Variants in TET1 observed in about 807,000 individuals in gnomAD.
TET1 encodes the protein methylcytosine dioxygenase TET1.
TET1 carries 13 observed loss-of-function variants against 148.7 expected under a neutral mutation model. The ratio of observed to expected loss-of-function variants is 0.09; its 90% CI spans 0.06 to 0.14. TET1 has a LOEUF of 0.14. Among genes scored for constraint, TET1 ranks in the 10% least tolerant of loss-of-function variants. The pLI is 1.00. For synonymous variants in TET1, 907 were observed against 937.2 expected, an observed-to-expected ratio of 0.97 and a Z score of 0.59; for missense variants, 2,182 against 2,553.8, an observed-to-expected ratio of 0.85 and a Z score of 3.14.
chr10:68,565,962 G>A (rs937256879), intron 1 of TET1, among the ~76,000 whole-genome samples: 2 of 152,042 alleles, frequency 1.3e-5, no homozygotes, highest in Non-Finnish European at 1.5e-5. Context: ...CCACATCTTC[G>A]CAATCCATGT....
chr10:68,668,064 C>A (rs1359097911), intron 7 of TET1, among the ~76,000 whole-genome samples: 1 of 152,046 alleles, frequency 6.6e-6, no homozygotes, highest in Non-Finnish European at 1.5e-5. Context: ...GACTAAAAAC[C>A]ATTTGGCTTT....
chr10:68,675,564 A>ATTT (rs11313882), intron 8 of TET1, among the ~76,000 whole-genome samples: 9,928 of 131,382 alleles, frequency 0.076, 561 homozygotes, highest in South Asian at 0.16. Context: ...TATCCACGTC[A>ATTT]TTTTTTTTTT....
chr10:68,598,700 C>CTTT (rs36067164), intron 2 of TET1, among the ~76,000 whole-genome samples: 2 of 129,904 alleles, frequency 1.5e-5, no homozygotes, highest in Admixed American at 8.1e-5. Context: ...CTTTTTCTTT[C>CTTT]TTTTTTTTTT....
chr10:68,676,148 C>A (rs7918264), intron 8 of TET1, among the ~76,000 whole-genome samples: 1,600 of 124,008 alleles, frequency 0.013, 30 homozygotes, highest in African/African-American at 0.047. Context: ...AGCCACAGCA[C>A]CTGGCCTTTT....
chr10:68,617,001 C>T, intron 3 of TET1, among the ~76,000 whole-genome samples: 1 of 118,202 alleles, frequency 8.5e-6, no homozygotes, highest in Admixed American at 1.0e-4. Context: ...GCCACCGCGC[C>T]TGGCCTTTTT....
At chr10:68,564,050 T>A (rs2053581817) in intron 1 of TET1, among the ~76,000 whole-genome samples, 2 of 152,194 alleles carry the variant, frequency 1.3e-5, no homozygotes, top group Admixed American at 6.6e-5. Context: ...TAATTATTTT[T>A]AAAAGTTAGT....
intron 3 of TET1, among the ~76,000 whole-genome samples, chr10:68,617,259 C>T (rs1244363514): frequency 3.3e-5 from 5 of 150,946 alleles, no homozygotes; most frequent in African/African-American, 9.8e-5. Context: ...CTCCTGACCT[C>T]GTGATCCACC....
At chr10:68,605,240 AGGC>A (rs1371334794) in intron 3 of TET1, among the ~76,000 whole-genome samples, 1 of 152,160 alleles carries the variant, frequency 6.6e-6, no homozygotes, top group Non-Finnish European at 1.5e-5. Context: ...TGGGAGGCTG[AGGC>A]GGGCAGATCA....
chr10:68,582,385 C>T (rs1327043701), intron 2 of TET1, among the ~76,000 whole-genome samples: 3 of 152,202 alleles, frequency 2.0e-5, no homozygotes, highest in South Asian at 2.1e-4. Flanking sequence ...CATGAGCCAC[C>T]GCACCTGGCC....
At chr10:68,578,343 C>T (rs907214648) in intron 2 of TET1, among the ~76,000 whole-genome samples, 4 of 152,128 alleles carry the variant, frequency 2.6e-5, no homozygotes, top group African/African-American at 9.7e-5. Flanking sequence ...ACTGCGACCT[C>T]CACCTCCCGG....
At position 68,693,886 on chromosome 10, in the gene TET1, C is replaced by T. The variant is rs758026246; in HGVS notation, c.*2072C>T. The T allele has an allele frequency of 2.3e-4, 53 of 227,650 alleles. No homozygotes were observed. The highest frequency in any genetic ancestry group is 3.6e-4 in the Non-Finnish European group (41 of 115,446). 14.1% of individuals were successfully genotyped at this position (227,650 alleles called of 1,614,324 possible). On this transcript the variant is annotated 3_prime_UTR_variant, in exon 12 of 12. Transcript: ENST00000373644. ...TAAAGTTTTATGGCTCTTTATGCAT[C>T]CACTCATCTACTCATTCTTCGAGTC...
intron 3 of TET1, among the ~76,000 whole-genome samples, chr10:68,613,938 CAA>C (rs56302094): frequency 0.064 from 7,636 of 118,648 alleles, 664 homozygotes; most frequent in African/African-American, 0.22. Context: ...GACTTCGTCT[CAA>C]AAAAAAAAAA....
intron 3 of TET1, among the ~76,000 whole-genome samples, chr10:68,636,520 C>T (rs971383652): frequency 6.6e-6 from 1 of 152,170 alleles, no homozygotes; most frequent in Non-Finnish European, 1.5e-5. Context: ...GAATTTGACA[C>T]TACTAGCCTG....
chr10:68,668,289 T>G (rs2055221559), intron 7 of TET1, among the ~76,000 whole-genome samples: 1 of 152,366 alleles, frequency 6.6e-6, no homozygotes, highest in East Asian at 1.9e-4. Flanking sequence ...ATCTTTTTCC[T>G]TATTTGGATC....
intron 3 of TET1, chr10:68,632,309 C>A (rs1225861233): frequency 7.3e-7 from 1 of 1,374,108 alleles, no homozygotes. Context: ...GTGACAGAGC[C>A]AGATTCCCTT....
intron 6 of TET1, among the ~76,000 whole-genome samples, chr10:68,658,427 C>T (rs1430876167): frequency 6.6e-6 from 1 of 152,162 alleles, no homozygotes; most frequent in African/African-American, 2.4e-5. Context: ...GCGTGAGCCA[C>T]CGCGACAGCC....
chr10:68,675,809 T>C (rs987249224), intron 8 of TET1, among the ~76,000 whole-genome samples: 1 of 152,140 alleles, frequency 6.6e-6, no homozygotes, highest in African/African-American at 2.4e-5. Context: ...CAGTCCCTAC[T>C]CCTTGCCAGG....
At chr10:68,625,049 A>G (rs1469151712) in intron 3 of TET1, among the ~76,000 whole-genome samples, 2 of 151,932 alleles carry the variant, frequency 1.3e-5, no homozygotes, top group East Asian at 3.9e-4. Context: ...TTCTTACTGT[A>G]TGTTCTCTTA....
chr10:68,609,269 C>T (rs534786551), intron 3 of TET1, among the ~76,000 whole-genome samples: 2 of 152,124 alleles, frequency 1.3e-5, no homozygotes, highest in Non-Finnish European at 1.5e-5. Context: ...TCAAGTGATT[C>T]TCCTGCCTCA....
Sources: gnomAD v4.1 joint callset for allele counts (sites outside exome capture counted in the v4.1 genomes callset) on GRCh38, gnomAD v4.1.1 for gene constraint, MANE v1.5 for transcripts, NCBI Gene and HGNC (gene_info 2026-07-23, HGNC 2026-07-21) for gene names.